HEATR3: variants seen among roughly 807,000 people sequenced by gnomAD.
The protein encoded by HEATR3 is HEAT repeat containing 3.
In HEATR3, 56 loss-of-function variants were observed where a neutral mutation model predicts 72.8. That is an observed-to-expected ratio of 0.77 (90% CI 0.62 to 0.96). The LOEUF (loss-of-function observed/expected upper bound fraction) is 0.96. Among genes scored for constraint, HEATR3 ranks in the 40% least tolerant of loss-of-function variants. HEATR3 has a pLI of 0.00. For synonymous variants in HEATR3, 331 were observed against 318.1 expected (o/e 1.04, Z -0.43); for missense variants, 747 against 831.4 (o/e 0.90, Z 1.25).
At chr16:50,071,216 C>G (rs1160289925) in intron 4 of HEATR3, among the ~76,000 whole-genome samples, 1 of 129,724 alleles carries the variant, frequency 7.7e-6, no homozygotes, top group Non-Finnish European at 1.8e-5. Flanking sequence ...TAGCAAGACT[C>G]TGTCACAGTT....
chr16:50,104,899 T>A, intron 14 of HEATR3, 40 bp from the exon 15 acceptor site: 1 of 1,516,494 alleles, frequency 6.6e-7, no homozygotes, highest in South Asian at 1.3e-5. Flanking sequence ...ATTAATCATA[T>A]CTACCAAGTC....
Position 50,094,737 on chromosome 16 carries a change from A to T in HEATR3, c.1543A>T (p.Ile515Leu). The T allele has an allele frequency of 6.3e-7, 1 of 1,592,380 alleles. No homozygotes were observed. ...TAAACATGTTGACTTTCTAGAAGCC[A>T]TAAGTAGTGCTTTGAGGGCCCTTTT... Reference protein sequence around the residue: ...FAKHVDFLEAISSALRALLQT... With the variant: ...FAKHVDFLEALSSALRALLQT... Residue 515 changes from isoleucine to leucine, a missense_variant, in exon 12 of 15, where the codon ATA becomes TTA. By Grantham distance (5) the Ile-to-Leu change is conservative (BLOSUM62 2). Coordinates refer to ENST00000299192, the MANE Select transcript of HEATR3 (RefSeq NM_182922.4).
At position 50,072,757 on chromosome 16, in the gene HEATR3, T is replaced by A. The variant is rs772917105; in HGVS notation, c.622+43T>A. 2.4e-6 allele frequency: 3 copies of A among 1,250,240 alleles called. No individual in the cohort carries two copies. The South Asian group carries it at 3.6e-5, about 15-fold the overall frequency. The allele number at this position is 1,250,240 out of a possible 1,614,324, so 77.4% of individuals were successfully genotyped here. A position where few individuals can be genotyped will look rare whatever the true frequency, so the allele number is the denominator to read the frequency against. Reference sequence around the variant, plus strand: ...GATGACTTATTAAGAATGTGTAGCCTTATTCAAAAATTTTTATGCAGCTTT... The same window carrying A: ...GATGACTTATTAAGAATGTGTAGCCATATTCAAAAATTTTTATGCAGCTTT... On this transcript the variant is annotated intron_variant, in intron 5 of 14. Transcript: ENST00000299192.
At chr16:50,094,474 C>T (rs2037186683) in intron 11 of HEATR3, among the ~76,000 whole-genome samples, 1 of 152,170 alleles carries the variant, frequency 6.6e-6, no homozygotes, top group African/African-American at 2.4e-5. Context: ...TGTAGAACAC[C>T]TCCTTGCTGT....
chr16:50,079,093 C>T, intron 7 of HEATR3, 75 bp downstream of exon 7: 1 of 1,432,986 alleles, frequency 7.0e-7, no homozygotes, highest in Non-Finnish European at 9.4e-7. Context: ...CTTGGCTTTG[C>T]AGAAAAATGT....
At chr16:50,093,485 G>A (rs1279175613) in intron 11 of HEATR3, among the ~76,000 whole-genome samples, 1 of 152,092 alleles carries the variant, frequency 6.6e-6, no homozygotes, top group East Asian at 1.9e-4. Context: ...GGTATTTTTG[G>A]TTTTACAACT....
chr16:50,079,590 GA>G (rs1198251937), intron 7 of HEATR3, among the ~76,000 whole-genome samples: 1 of 152,146 alleles, frequency 6.6e-6, no homozygotes, highest in African/African-American at 2.4e-5. Flanking sequence ...TTGGGTGCAG[GA>G]AGCATTTCAG....
At chr16:50,102,905 G>T (rs959219255) in intron 14 of HEATR3, among the ~76,000 whole-genome samples, 1 of 152,062 alleles carries the variant, frequency 6.6e-6, no homozygotes, top group Non-Finnish European at 1.5e-5. Context: ...TGGGATTACA[G>T]GTGTCCACCA....
At chr16:50,104,903 C>G (rs1457659010) in intron 14 of HEATR3, 36 bp from the exon 15 acceptor site, 1 of 1,520,618 alleles carries the variant, frequency 6.6e-7, no homozygotes, top group African/African-American at 1.4e-5. Context: ...ATCATATCTA[C>G]CAAGTCATAT....
At chr16:50,072,365 G>A (rs1211421057) in intron 4 of HEATR3, among the ~76,000 whole-genome samples, 1 of 152,148 alleles carries the variant, frequency 6.6e-6, no homozygotes, top group Non-Finnish European at 1.5e-5. Flanking sequence ...AAGGAAACTG[G>A]CATCATGGCA....
chr16:50,077,877 A>ATTTTTTTTTTTTTTT (rs56374170), intron 6 of HEATR3, among the ~76,000 whole-genome samples: 2 of 104,342 alleles, frequency 1.9e-5, no homozygotes, highest in African/African-American at 7.5e-5. Flanking sequence ...AATGGATGTA[A>ATTTTTTTTTTTTTTT]TTTTTTTTTT....
intron 13 of HEATR3, among the ~76,000 whole-genome samples, chr16:50,100,993 AG>A (rs1219624504): frequency 6.6e-6 from 1 of 152,200 alleles, no homozygotes; most frequent in African/African-American, 2.4e-5. Flanking sequence ...CTGAAGTGTG[AG>A]ACTAGTGGAT....
intron 9 of HEATR3, 38 bp from the exon 10 acceptor site, chr16:50,084,531 C>T: frequency 7.1e-7 from 1 of 1,402,802 alleles, no homozygotes; most frequent in Non-Finnish European, 1.0e-6. Context: ...TAAATGACTA[C>T]TCTTTAACCT....
chr16:50,066,593 G>A (rs1597133198), intron 2 of HEATR3, 54 bp downstream of exon 2: 1 of 1,253,700 alleles, frequency 8.0e-7, no homozygotes, highest in East Asian at 3.2e-5. Context: ...CCCGCGTCTG[G>A]GCTGCGGGCG....
chr16:50,066,280 GGCTCCGTCGGGCCGGGAGGCGAGA>G lies in HEATR3; in HGVS notation c.138+12_138+35del. On this transcript the variant is annotated intron_variant, in intron 1 of 14. Transcript: ENST00000299192. ...GAGCTGCTGGAAAAGGTGAGGCGAG[GGCTCCGTCGGGCCGGGAGGCGAGA>G]CGAGGTTGCCCCGCGCGCGTGCGCA... The G allele has an allele frequency of 6.3e-7, 1 of 1,574,968 alleles. No individual in the cohort carries two copies. Among genetic ancestry groups the G allele is most frequent in the East Asian group, 2.3e-5 (1 of 42,660 alleles).
In HEATR3 at chr16:50,102,375, C is replaced by G. The variant is rs1305246431; in HGVS notation, c.1860C>G (p.Ala620=). ...VFADGKEAER[A]SIQIKLLSAL... is the part of the protein sequence containing the mutation. The stretch of plus-strand genomic sequence containing the variant: ...CAGATGGTAAAGAAGCCGAAAGAGC[C>G]TCGATTCAAATTAAATTATTATCTG... The change falls in exon 14 of 15, where the codon GCC becomes GCG. Residue 620 remains alanine, a synonymous_variant. Transcript: ENST00000299192. The G allele has an allele frequency of 1.9e-6, 3 of 1,613,982 alleles. No individual in the cohort carries two copies. Among genetic ancestry groups the G allele is most frequent in the Non-Finnish European group, 2.5e-6 (3 of 1,180,016 alleles).
At chr16:50,097,467 C>A (rs895082893) in intron 12 of HEATR3, among the ~76,000 whole-genome samples, 12 of 149,644 alleles carry the variant, frequency 8.0e-5, no homozygotes, top group Non-Finnish European at 1.0e-4. Flanking sequence ...CCATTATAGT[C>A]ATGCTTTTTG....
intron 13 of HEATR3, among the ~76,000 whole-genome samples, chr16:50,101,194 G>C (rs1182965202): frequency 6.7e-6 from 1 of 148,660 alleles, no homozygotes; most frequent in African/African-American, 2.5e-5. Flanking sequence ...TCGGCTCACT[G>C]CAACCTCCGC....
intron 6 of HEATR3, 45 bp from the exon 7 acceptor site, chr16:50,078,696 A>C: frequency 6.4e-7 from 1 of 1,554,634 alleles, no homozygotes; most frequent in South Asian, 1.2e-5. Flanking sequence ...ACTTAGTAAA[A>C]TATTTCACAG....
Sources: gnomAD v4.1 joint callset for allele counts (sites outside exome capture counted in the v4.1 genomes callset) on GRCh38, gnomAD v4.1.1 for gene constraint, MANE v1.5 for transcripts, NCBI Gene and HGNC (gene_info 2026-07-23, HGNC 2026-07-21) for gene names.